Variants in MSRB2 observed in about 807,000 individuals in gnomAD.
The protein encoded by MSRB2 is methionine-R-sulfoxide reductase B2, mitochondrial.
Under a neutral mutation model 19.0 loss-of-function variants are expected in MSRB2, and 17 were observed. The observed-to-expected ratio is 0.89, with a 90% CI of 0.61 to 1.34. The LOEUF is 1.34. MSRB2 is among the 40% of genes most tolerant of loss of function. The pLI is 0.00. For synonymous variants in MSRB2, 107 were observed against 99.7 expected (o/e 1.07, Z -0.44); for missense variants, 208 against 237.6 (o/e 0.88, Z 0.82).
At chr10:23,096,374 T>TGTGTGTGTGTGTGTGTG (rs1458244236) in intron 1 of MSRB2, among the ~76,000 whole-genome samples, 2 of 48,290 alleles carry the variant, frequency 4.1e-5, no homozygotes, top group African/African-American at 2.6e-4. Flanking sequence ...GTGTGTGTGT[T>TGTGTGTGTGTGTGTGTG]TCTGCTAAAT....
intron 3 of MSRB2, 128 bp downstream of exon 3, chr10:23,110,446 A>AT (rs765401412): frequency 6.6e-5 from 47 of 714,136 alleles, no homozygotes; most frequent in Admixed American, 2.3e-4. Flanking sequence ...TGCTCTTCTC[A>AT]TTTTGCATTG....
At chr10:23,105,571 G>A (rs1046878942) in intron 2 of MSRB2, among the ~76,000 whole-genome samples, 5 of 152,096 alleles carry the variant, frequency 3.3e-5, no homozygotes, top group African/African-American at 7.2e-5. Context: ...ATAGTGCCGC[G>A]TTGCTTAACA....
chr10:23,117,063 A>G (rs1207482495), intron 3 of MSRB2, among the ~76,000 whole-genome samples: 1 of 152,214 alleles, frequency 6.6e-6, no homozygotes, highest in Non-Finnish European at 1.5e-5. Flanking sequence ...CTCTTGGCCA[A>G]GAAGGGCTCT....
At chr10:23,102,303 A>G (rs1839934204) in intron 1 of MSRB2, among the ~76,000 whole-genome samples, 1 of 152,222 alleles carries the variant, frequency 6.6e-6, no homozygotes, top group Non-Finnish European at 1.5e-5. Flanking sequence ...AAACTGCAAG[A>G]CAGTTTTCCT....
At chr10:23,110,889 G>C (rs1341176171) in intron 3 of MSRB2, among the ~76,000 whole-genome samples, 1 of 152,000 alleles carries the variant, frequency 6.6e-6, no homozygotes, top group Non-Finnish European at 1.5e-5. Flanking sequence ...CTCAACAAAG[G>C]CTTTTTTGTT....
Position 23,110,289 on chromosome 10 carries a change from TTGCGTG to T in MSRB2, c.271_276del (p.Val91_Cys92del), listed in dbSNP as rs1840035882. 6.2e-7 allele frequency: 1 copy of T among 1,613,878 alleles called. No individual in the cohort carries two copies. The highest frequency in any genetic ancestry group is 1.1e-5 in the South Asian group (1 of 91,056). On this transcript the variant is annotated inframe_deletion, in exon 3 of 5. Coordinates refer to ENST00000376510, the MANE Select transcript of MSRB2 (RefSeq NM_012228.4). ...ATAACAAGGAAGCAGGAATGTATCA[TTGCGTG>T]TGCTGCGACAGTCCACTCTTCAGGT...
intron 2 of MSRB2, 75 bp downstream of exon 2, chr10:23,104,319 T>A: frequency 8.1e-7 from 1 of 1,232,456 alleles, no homozygotes; most frequent in Non-Finnish European, 1.1e-6. Flanking sequence ...GGTCCAGCTA[T>A]GAAACCCAGC....
At chr10:23,098,455 T>A (rs1461565233) in intron 1 of MSRB2, among the ~76,000 whole-genome samples, 1 of 152,234 alleles carries the variant, frequency 6.6e-6, no homozygotes, top group Non-Finnish European at 1.5e-5. Flanking sequence ...AATTTGAGTT[T>A]ATTAAGGCAT....
chr10:23,095,960 C>T (rs1198228126), intron 1 of MSRB2, among the ~76,000 whole-genome samples: 1 of 151,424 alleles, frequency 6.6e-6, no homozygotes, highest in Non-Finnish European at 1.5e-5. Flanking sequence ...AACAAATGAT[C>T]CCCCTAAATG....
At chr10:23,119,162 T>A (rs1564432176) in intron 3 of MSRB2, 142 bp from the exon 4 acceptor site, 1 of 1,045,536 alleles carries the variant, frequency 9.6e-7, no homozygotes, top group African/African-American at 1.6e-5. Flanking sequence ...CCGGGGGGAC[T>A]GACTGTCGAA....
At chr10:23,096,352 C>CTCTCTCTCTGTGTGTGTGTGTGTG (rs144653384) in intron 1 of MSRB2, among the ~76,000 whole-genome samples, 14 of 142,832 alleles carry the variant, frequency 9.8e-5, no homozygotes, top group African/African-American at 3.6e-4. Flanking sequence ...CTCTCTCTCT[C>CTCTCTCTCTGTGTGTGTGTGTGTG]TGTGTGTGTG....
intron 3 of MSRB2, 43 bp from the exon 4 acceptor site, chr10:23,119,261 A>C: frequency 6.2e-7 from 1 of 1,607,346 alleles, no homozygotes; most frequent in Non-Finnish European, 8.5e-7. Flanking sequence ...CATGTTAATG[A>C]CAGTGTCATT....
rs11013285 is a variant in MSRB2 at position 23,098,362 on chromosome 10, G to A, written c.118+2636G>A. Among the ~76,000 whole-genome samples the A allele has an allele frequency of 7.2e-5, 11 of 152,232 alleles. No individual in the cohort carries two copies. In the East Asian group the frequency reaches 1.5e-3, roughly 21 times the overall value. On this transcript the variant is annotated intron_variant, in intron 1 of 4. Coordinates refer to ENST00000376510, the MANE Select transcript of MSRB2 (RefSeq NM_012228.4). ...GGATTTCCTTAGGGATGAAAAAATC[G>A]AGGCCCACCCCGTAGAACTTCTGAC...
chr10:23,117,530 G>A (rs1225627168), intron 3 of MSRB2, among the ~76,000 whole-genome samples: 2 of 152,166 alleles, frequency 1.3e-5, no homozygotes, highest in African/African-American at 4.8e-5. Context: ...TTAAATATAT[G>A]TTATGTTAAC....
At chr10:23,119,251 C>CA (rs1840153045) in intron 3 of MSRB2, 53 bp from the exon 4 acceptor site, 3 of 1,596,280 alleles carry the variant, frequency 1.9e-6, no homozygotes, top group African/African-American at 1.3e-5. Context: ...CACCTCTTGG[C>CA]ATGTTAATGA....
chr10:23,119,281 A>G, intron 3 of MSRB2, 23 bp from the exon 4 acceptor site: 7 of 1,612,410 alleles, frequency 4.3e-6, no homozygotes, highest in Non-Finnish European at 5.1e-6. Context: ...TAGCAGCTGT[A>G]GTATCGTTTA....
intron 3 of MSRB2, among the ~76,000 whole-genome samples, chr10:23,116,932 T>A (rs1181702043): frequency 6.6e-6 from 1 of 152,162 alleles, no homozygotes; most frequent in South Asian, 2.1e-4. Context: ...GATCTCTATT[T>A]AAACATTAAT....
chr10:23,119,806 G>A (rs1046353010), intron 4 of MSRB2, among the ~76,000 whole-genome samples: 1 of 151,980 alleles, frequency 6.6e-6, no homozygotes, highest in African/African-American at 2.4e-5. Context: ...TGTTGGCCAG[G>A]CTGGTCTCAA....
At chr10:23,115,285 G>A (rs1349937235) in intron 3 of MSRB2, among the ~76,000 whole-genome samples, 1 of 152,076 alleles carries the variant, frequency 6.6e-6, no homozygotes, top group Non-Finnish European at 1.5e-5. Flanking sequence ...TCTTCTACAT[G>A]AGCCTATTTG....
Sources: allele counts gnomAD v4.1 joint callset (sites outside exome capture counted in the v4.1 genomes callset), GRCh38; gene constraint gnomAD v4.1.1; transcripts MANE v1.5; gene names NCBI Gene and HGNC (gene_info 2026-07-23, HGNC 2026-07-21).